The following PARP8 variants were observed in gnomAD, a reference collection of about 807,000 sequenced individuals.
The protein encoded by PARP8 is protein mono-ADP-ribosyltransferase PARP8.
In PARP8, 51 loss-of-function variants were observed where a neutral mutation model predicts 124.1. That is an observed-to-expected ratio of 0.41 (90% CI 0.33 to 0.52). The LOEUF is 0.52. PARP8 is among the 20% of genes least tolerant of loss of function. PARP8 has a pLI of 0.21. For synonymous variants in PARP8, 391 were observed against 361.5 expected, an observed-to-expected ratio of 1.08 and a Z score of -0.93; for missense variants, 860 against 1,018.9, an observed-to-expected ratio of 0.84 and a Z score of 2.12.
At chr5:50,792,307 C>G (rs1469813585) in intron 10 of PARP8, among the ~76,000 whole-genome samples, 1 of 151,926 alleles carries the variant, frequency 6.6e-6, no homozygotes, top group Non-Finnish European at 1.5e-5. Context: ...TCCAGATTAC[C>G]CCTGAAATTA....
intron 2 of PARP8, among the ~76,000 whole-genome samples, chr5:50,701,352 G>A (rs1012916312): frequency 2.6e-5 from 4 of 152,144 alleles, no homozygotes; most frequent in African/African-American, 9.7e-5. Flanking sequence ...GATTGGATGT[G>A]TGGGATACGG....
intron 3 of PARP8, among the ~76,000 whole-genome samples, chr5:50,756,229 G>A (rs1759935779): frequency 1.3e-5 from 2 of 152,116 alleles, no homozygotes; most frequent in African/African-American, 4.8e-5. Context: ...TTGAATAGGA[G>A]TGGTGAGAGA....
chr5:50,732,883 G>T (rs1296417197), intron 2 of PARP8, among the ~76,000 whole-genome samples: 1 of 151,840 alleles, frequency 6.6e-6, no homozygotes, highest in Non-Finnish European at 1.5e-5. Flanking sequence ...CTCCCAAAGT[G>T]CTGGGATTAC....
At chr5:50,702,537 A>G (rs1753707059) in intron 2 of PARP8, among the ~76,000 whole-genome samples, 3 of 152,156 alleles carry the variant, frequency 2.0e-5, no homozygotes, top group African/African-American at 7.2e-5. Context: ...TTCTAAGTCA[A>G]AATGCCCTGA....
intron 2 of PARP8, among the ~76,000 whole-genome samples, chr5:50,706,042 C>G (rs557237833): frequency 6.6e-6 from 1 of 152,152 alleles, no homozygotes; most frequent in Non-Finnish European, 1.5e-5. Context: ...TTAAGATATG[C>G]TCCTGCTTAA....
At chr5:50,681,448 C>G (rs1218961624) in intron 2 of PARP8, among the ~76,000 whole-genome samples, 3 of 151,980 alleles carry the variant, frequency 2.0e-5, no homozygotes, top group Admixed American at 1.3e-4. Context: ...TTTTTAGATC[C>G]TGTTTATTTA....
At chr5:50,799,103 T>A (rs1312059355) in intron 14 of PARP8, among the ~76,000 whole-genome samples, 1 of 152,240 alleles carries the variant, frequency 6.6e-6, no homozygotes, top group African/African-American at 2.4e-5. Flanking sequence ...TTTTTTCTTT[T>A]GTTACTTGTG....
At chr5:50,762,752 C>T (rs189439591) in intron 6 of PARP8, among the ~76,000 whole-genome samples, 125 of 152,276 alleles carry the variant, frequency 8.2e-4, no homozygotes, top group Middle Eastern at 3.4e-3. Flanking sequence ...GTTTTCCCAA[C>T]GAAATGATTC....
chr5:50,779,680 A>G (rs1740448528), intron 9 of PARP8, among the ~76,000 whole-genome samples: 1 of 152,222 alleles, frequency 6.6e-6, no homozygotes, highest in Non-Finnish European at 1.5e-5. Context: ...GAATCAAGGG[A>G]CAGGAACATA....
chr5:50,704,884 G>A (rs754699609), intron 2 of PARP8, among the ~76,000 whole-genome samples: 11 of 152,172 alleles, frequency 7.2e-5, no homozygotes, highest in East Asian at 1.9e-4. Flanking sequence ...GCCTGGATTC[G>A]TTGATCTATT....
At chr5:50,739,852 C>T (rs1261131340) in intron 2 of PARP8, among the ~76,000 whole-genome samples, 1 of 148,362 alleles carries the variant, frequency 6.7e-6, no homozygotes, top group Non-Finnish European at 1.5e-5. Flanking sequence ...GAGGTTCAAG[C>T]AATTCTCTGC....
intron 2 of PARP8, among the ~76,000 whole-genome samples, chr5:50,690,270 A>G (rs570107715): frequency 5.1e-4 from 78 of 152,254 alleles, no homozygotes; most frequent in African/African-American, 1.7e-3. Context: ...TTCCTACTGG[A>G]TGGTCTCCAT....
chr5:50,756,148 C>G (rs1759921557), intron 3 of PARP8, among the ~76,000 whole-genome samples: 1 of 152,108 alleles, frequency 6.6e-6, no homozygotes. Context: ...TTGACTTCCT[C>G]TTTTGCTAAT....
intron 2 of PARP8, among the ~76,000 whole-genome samples, chr5:50,729,316 CT>C (rs902017583): frequency 2.8e-4 from 43 of 151,946 alleles, no homozygotes; most frequent in African/African-American, 9.4e-4. Flanking sequence ...GGGGAAAAAA[CT>C]TTTTTTTCAC....
intron 2 of PARP8, chr5:50,739,060 C>G: frequency 1.4e-6 from 1 of 702,532 alleles, no homozygotes; most frequent in African/African-American, 1.7e-5. Flanking sequence ...TCATTCACAT[C>G]TAGGAGGAGC....
chr5:50,791,123 T>A (rs566399916), intron 10 of PARP8, among the ~76,000 whole-genome samples: 1 of 152,322 alleles, frequency 6.6e-6, no homozygotes, highest in Admixed American at 6.5e-5. Flanking sequence ...TTTCAGTAAA[T>A]AGAAGACACT....
chr5:50,729,176 A>G (rs535569118), intron 2 of PARP8, among the ~76,000 whole-genome samples: 8 of 152,260 alleles, frequency 5.3e-5, no homozygotes, highest in Admixed American at 3.3e-4. Context: ...CTAAGTAAAA[A>G]TAGTTTTTAG....
At chr5:50,839,723 G>A (rs1484297437) in intron 25 of PARP8, among the ~76,000 whole-genome samples, 1 of 143,452 alleles carries the variant, frequency 7.0e-6, no homozygotes, top group African/African-American at 2.6e-5. Context: ...TCCCACTTTT[G>A]CTCTCTGCTC....
At chr5:50,746,052 A>G (rs1758507881) in intron 2 of PARP8, among the ~76,000 whole-genome samples, 1 of 152,148 alleles carries the variant, frequency 6.6e-6, no homozygotes, top group Non-Finnish European at 1.5e-5. Context: ...TTTCACTGAT[A>G]TGTGCTCATA....
Sources: gnomAD v4.1 joint callset for allele counts (sites outside exome capture counted in the v4.1 genomes callset) on GRCh38, gnomAD v4.1.1 for gene constraint, MANE v1.5 for transcripts, NCBI Gene and HGNC (gene_info 2026-07-23, HGNC 2026-07-21) for gene names.